Variants in ITPR1 observed in about 807,000 individuals in gnomAD.
The protein encoded by ITPR1 is inositol 1,4,5-trisphosphate receptor type 1.
In ITPR1, 96 loss-of-function variants were observed where a neutral mutation model predicts 318.4. The observed-to-expected ratio is 0.30, with a 90% CI of 0.26 to 0.36. The LOEUF is 0.36. Ranked by LOEUF, ITPR1 falls within the 10% of genes least tolerant of loss-of-function variation. The pLI is 1.00. For synonymous variants in ITPR1, 1,312 were observed against 1,289.9 expected, an observed-to-expected ratio of 1.02 and a Z score of -0.37; for missense variants, 2,440 against 3,460.2, an observed-to-expected ratio of 0.71 and a Z score of 7.40.
intron 4 of ITPR1, among the ~76,000 whole-genome samples, chr3:4,569,572 C>A (rs1413620394): frequency 6.6e-6 from 1 of 152,126 alleles, no homozygotes; most frequent in East Asian, 1.9e-4. Flanking sequence ...TCTCTGATGC[C>A]TTTTAGAAAT....
intron 4 of ITPR1, among the ~76,000 whole-genome samples, chr3:4,592,602 C>A (rs1286411676): frequency 6.6e-6 from 1 of 152,134 alleles, no homozygotes; most frequent in Non-Finnish European, 1.5e-5. Flanking sequence ...GACTGTCTGA[C>A]ACCCTCTCCA....
intron 44 of ITPR1, among the ~76,000 whole-genome samples, chr3:4,756,903 C>T (rs972624055): frequency 6.6e-6 from 1 of 152,258 alleles, no homozygotes; most frequent in Admixed American, 6.5e-5. Flanking sequence ...TGTTAGACAA[C>T]TGTAGCACCT....
At chr3:4,519,322 G>T (rs1424910752) in intron 3 of ITPR1, among the ~76,000 whole-genome samples, 3 of 152,154 alleles carry the variant, frequency 2.0e-5, no homozygotes, top group Admixed American at 6.5e-5. Context: ...CACCTCCTGG[G>T]TTCAAGCAAT....
At chr3:4,807,128 G>GGGA (rs1457404494) in intron 55 of ITPR1, among the ~76,000 whole-genome samples, 2 of 3,828 alleles carry the variant, frequency 5.2e-4, no homozygotes, top group Non-Finnish European at 1.2e-3. Flanking sequence ...AGAGAGGGGG[G>GGGA]CTTACAAAGA....
At chr3:4,836,639 T>C (rs1241563971) in intron 60 of ITPR1, 135 bp from the exon 61 acceptor site, 3 of 864,884 alleles carry the variant, frequency 3.5e-6, no homozygotes, top group Non-Finnish European at 4.7e-6. Context: ...ACACAGCACA[T>C]AAGTTCTGCC....
intron 4 of ITPR1, among the ~76,000 whole-genome samples, chr3:4,543,723 G>A (rs190799983): frequency 5.3e-5 from 8 of 152,202 alleles, no homozygotes. Flanking sequence ...GATTACAGGT[G>A]TGAGCCACCA....
intron 4 of ITPR1, among the ~76,000 whole-genome samples, chr3:4,535,539 T>C (rs1455146903): frequency 7.0e-6 from 1 of 143,180 alleles, no homozygotes; most frequent in Non-Finnish European, 1.5e-5. Flanking sequence ...GCCTCCTGGG[T>C]TCACACCATT....
At chr3:4,538,000 A>T (rs2084042109) in intron 4 of ITPR1, among the ~76,000 whole-genome samples, 1 of 152,076 alleles carries the variant, frequency 6.6e-6, no homozygotes, top group Non-Finnish European at 1.5e-5. Flanking sequence ...TCTTTCTACG[A>T]TAGGTTGGTT....
chr3:4,812,778 T>C (rs1191126379), intron 56 of ITPR1, among the ~76,000 whole-genome samples: 1 of 152,360 alleles, frequency 6.6e-6, no homozygotes, highest in South Asian at 2.1e-4. Flanking sequence ...TAAACTGGCC[T>C]GGACCTTGGA....
At chr3:4,763,069 G>A (rs1294935837) in intron 44 of ITPR1, among the ~76,000 whole-genome samples, 1 of 152,212 alleles carries the variant, frequency 6.6e-6, no homozygotes, top group African/African-American at 2.4e-5. Flanking sequence ...GATGAAGCCA[G>A]AAGCCATTAT....
intron 4 of ITPR1, among the ~76,000 whole-genome samples, chr3:4,613,801 T>C (rs758638114): frequency 6.6e-6 from 1 of 152,206 alleles, no homozygotes; most frequent in Non-Finnish European, 1.5e-5. Context: ...AGGTATTTCA[T>C]ATATGCATGT....
At chr3:4,644,099 G>A in intron 7 of ITPR1, 37 bp from the exon 8 acceptor site, 1 of 1,422,818 alleles carries the variant, frequency 7.0e-7, no homozygotes, top group Non-Finnish European at 9.8e-7. Flanking sequence ...GTCCTTATCA[G>A]TTTTGTGCAA....
At chr3:4,522,373 A>G (rs957466241) in intron 4 of ITPR1, among the ~76,000 whole-genome samples, 1 of 152,190 alleles carries the variant, frequency 6.6e-6, no homozygotes, top group Non-Finnish European at 1.5e-5. Flanking sequence ...AAACTGTTTG[A>G]CTTTTTTGGA....
intron 2 of ITPR1, among the ~76,000 whole-genome samples, chr3:4,513,669 T>C (rs184968495): frequency 3.9e-5 from 6 of 152,338 alleles, no homozygotes; most frequent in African/African-American, 1.4e-4. Flanking sequence ...GTAGAAAAAT[T>C]AGAAAACAGA....
At chr3:4,746,126 T>C (rs1002821894) in intron 44 of ITPR1, among the ~76,000 whole-genome samples, 2 of 152,080 alleles carry the variant, frequency 1.3e-5, no homozygotes, top group South Asian at 2.1e-4. Context: ...CCTGCCAGCA[T>C]AGGGCTGCTG....
rs1463031150 is a variant in ITPR1, at chr3:4,710,978, G to A, written c.4991+505G>A. Among the ~76,000 whole-genome samples the A allele has an allele frequency of 6.6e-6, 1 of 152,094 alleles. No individual in the cohort carries two copies. Among genetic ancestry groups the A allele is most frequent in the African/African-American group, 2.4e-5 (1 of 41,418 alleles). On this transcript the variant is annotated intron_variant, in intron 38 of 61. Coordinates refer to ENST00000649015, the MANE Select transcript of ITPR1 (RefSeq NM_001378452.1). The surrounding 1 kb of genome is among the most constrained non-coding windows in gnomAD (Gnocchi z 4.2). Reference sequence around the variant, plus strand: ...TGTAATCCCAGCACTTTGGGAGGCCGGGGCTGGTGAATCACCTGAGGTCAG... The same window carrying A: ...TGTAATCCCAGCACTTTGGGAGGCCAGGGCTGGTGAATCACCTGAGGTCAG...
chr3:4,621,480 A>G (rs2092631441), intron 4 of ITPR1, among the ~76,000 whole-genome samples: 1 of 152,128 alleles, frequency 6.6e-6, no homozygotes, highest in African/African-American at 2.4e-5. Flanking sequence ...CCCACCTCCA[A>G]ACTGGGGATT....
chr3:4,681,492 A>C, intron 26 of ITPR1, 74 bp downstream of exon 26: 1 of 991,040 alleles, frequency 1.0e-6, no homozygotes, highest in Non-Finnish European at 1.6e-6. Context: ...TCCCTTTATT[A>C]TGTTAGTAAA....
chr3:4,742,144 C>A (rs1415237623), intron 44 of ITPR1, among the ~76,000 whole-genome samples: 2 of 152,066 alleles, frequency 1.3e-5, no homozygotes, highest in East Asian at 1.9e-4. Flanking sequence ...CAGGGAGGAC[C>A]CCCTGGAAGG....
Sources: allele counts gnomAD v4.1 joint callset (sites outside exome capture counted in the v4.1 genomes callset), GRCh38; gene constraint gnomAD v4.1.1; non-coding constraint Gnocchi (gnomAD v3.1); transcripts MANE v1.5; gene names NCBI Gene and HGNC (gene_info 2026-07-23, HGNC 2026-07-21).